CRPPA: variants seen among roughly 807,000 people sequenced by gnomAD.
CRPPA encodes the protein CDP-L-ribitol pyrophosphorylase A.
Under a neutral mutation model 52.0 loss-of-function variants are expected in CRPPA, and 43 were observed. The ratio of observed to expected loss-of-function variants is 0.83; its 90% confidence interval spans 0.65 to 1.07. The LOEUF (loss-of-function observed/expected upper bound fraction) is 1.07. CRPPA is among the 50% of genes least tolerant of loss of function. The probability of loss-of-function intolerance (pLI) is 0.00; values close to 1 mark genes in which losing one functional copy is unlikely to be tolerated. For missense variants in CRPPA, 629 were observed against 551.7 expected, an observed-to-expected ratio of 1.14 and a Z score of -1.40; for synonymous variants, 250 against 203.5, an observed-to-expected ratio of 1.23 and a Z score of -1.94.
chr7:16,241,092 C>T (rs1783094348), intron 8 of CRPPA, among the ~76,000 whole-genome samples: 1 of 152,152 alleles, frequency 6.6e-6, no homozygotes, highest in Non-Finnish European at 1.5e-5. Context: ...GTTGCTGGCT[C>T]TGCCACTGGT....
At chr7:16,095,045 A>G (rs940957411) in intron 9 of CRPPA, among the ~76,000 whole-genome samples, 1 of 152,204 alleles carries the variant, frequency 6.6e-6, no homozygotes, top group African/African-American at 2.4e-5. Flanking sequence ...AACACATATT[A>G]ATAATGGGAG....
At chr7:16,171,741 C>A (rs568184972) in intron 9 of CRPPA, among the ~76,000 whole-genome samples, 1 of 152,050 alleles carries the variant, frequency 6.6e-6, no homozygotes, top group East Asian at 1.9e-4. Context: ...TGCAGTGAGC[C>A]GAGACTGTGC....
intron 9 of CRPPA, among the ~76,000 whole-genome samples, chr7:16,195,663 C>CA (rs1367148260): frequency 6.6e-6 from 1 of 152,012 alleles, no homozygotes; most frequent in Non-Finnish European, 1.5e-5. Flanking sequence ...GCTGCTCCAT[C>CA]AAAAAAAGCT....
At chr7:16,142,099 C>T (rs1314669688) in intron 9 of CRPPA, among the ~76,000 whole-genome samples, 1 of 152,030 alleles carries the variant, frequency 6.6e-6, no homozygotes, top group African/African-American at 2.4e-5. Flanking sequence ...GTTCTGTTAC[C>T]TAAGAGACAT....
intron 9 of CRPPA, among the ~76,000 whole-genome samples, chr7:16,097,165 G>C (rs896791636): frequency 6.6e-6 from 1 of 151,900 alleles, no homozygotes; most frequent in Admixed American, 6.6e-5. Flanking sequence ...TTCAGTAAAA[G>C]GCCCCTAAAG....
intron 9 of CRPPA, among the ~76,000 whole-genome samples, chr7:16,162,078 C>A (rs986028980): frequency 4.6e-5 from 7 of 151,912 alleles, no homozygotes; most frequent in Non-Finnish European, 7.4e-5. Context: ...CTTCTCTTTT[C>A]TTCTTTATTG....
chr7:16,281,816 G>T (rs1784327525), intron 5 of CRPPA, among the ~76,000 whole-genome samples: 1 of 152,138 alleles, frequency 6.6e-6, no homozygotes, highest in Admixed American at 6.5e-5. Flanking sequence ...TTAGTAAGGT[G>T]TATTTCCCTA....
At chr7:16,177,958 G>A (rs1781336597) in intron 9 of CRPPA, among the ~76,000 whole-genome samples, 1 of 151,490 alleles carries the variant, frequency 6.6e-6, no homozygotes. Flanking sequence ...TACACCCTCT[G>A]TACCAACTTC....
chr7:16,186,969 A>G (rs1180804600), intron 9 of CRPPA, among the ~76,000 whole-genome samples: 1 of 152,170 alleles, frequency 6.6e-6, no homozygotes, highest in African/African-American at 2.4e-5. Context: ...TTAGGCATAT[A>G]ATTTTAATCT....
chr7:16,154,924 C>A (rs2128380001), intron 9 of CRPPA, among the ~76,000 whole-genome samples: 1 of 151,198 alleles, frequency 6.6e-6, no homozygotes, highest in East Asian at 2.0e-4. Context: ...TCTCCTGCCT[C>A]ACCCTCCCGA....
At chr7:16,161,927 G>C (rs1044200834) in intron 9 of CRPPA, among the ~76,000 whole-genome samples, 5 of 152,132 alleles carry the variant, frequency 3.3e-5, no homozygotes, top group African/African-American at 1.2e-4. Context: ...GGTGCTATGT[G>C]TCCAGGAATG....
At chr7:16,228,463 G>C (rs991480803) in intron 8 of CRPPA, among the ~76,000 whole-genome samples, 1 of 151,764 alleles carries the variant, frequency 6.6e-6, no homozygotes, top group Non-Finnish European at 1.5e-5. Flanking sequence ...TGTTAGAACT[G>C]CTTTTACTGT....
intron 8 of CRPPA, among the ~76,000 whole-genome samples, chr7:16,227,152 G>A (rs1782673842): frequency 6.6e-6 from 1 of 151,872 alleles, no homozygotes; most frequent in African/African-American, 2.4e-5. Context: ...GGACACTTAG[G>A]TTGATTCCAT....
At chr7:16,286,035 AAAAATATAAAT>A (rs1784424119) in intron 5 of CRPPA, among the ~76,000 whole-genome samples, 38 of 18,796 alleles carry the variant, frequency 2.0e-3, no homozygotes, top group Non-Finnish European at 2.9e-3. Context: ...AAAAAAAAAA[AAAAATATAAAT>A]ATATATATAT....
At chr7:16,168,452 C>A (rs1781111445) in intron 9 of CRPPA, among the ~76,000 whole-genome samples, 1 of 151,682 alleles carries the variant, frequency 6.6e-6, no homozygotes, top group African/African-American at 2.4e-5. Context: ...TCCATATTTT[C>A]ATACCTAGCA....
chr7:16,113,380 G>A (rs1385926084), intron 9 of CRPPA, among the ~76,000 whole-genome samples: 1 of 151,838 alleles, frequency 6.6e-6, no homozygotes, highest in Non-Finnish European at 1.5e-5. Context: ...CCCATAAAGG[G>A]AGAATAAAAA....
At chr7:16,370,561 A>G (rs1052208645) in intron 3 of CRPPA, among the ~76,000 whole-genome samples, 2 of 152,168 alleles carry the variant, frequency 1.3e-5, no homozygotes, top group Non-Finnish European at 2.9e-5. Flanking sequence ...TCCTAGGGAA[A>G]GGGAGAGGGC....
intron 1 of CRPPA, among the ~76,000 whole-genome samples, chr7:16,417,105 C>G (rs114933397): frequency 0.017 from 2,643 of 152,238 alleles, 60 homozygotes; most frequent in African/African-American, 0.048. Context: ...CCATCTCACA[C>G]CAGTCATGAT....
At chr7:16,212,922 A>G (rs1280190688) in intron 9 of CRPPA, among the ~76,000 whole-genome samples, 2 of 152,214 alleles carry the variant, frequency 1.3e-5, no homozygotes, top group Non-Finnish European at 2.9e-5. Flanking sequence ...ATGTGCTTCT[A>G]TTGCTAAATC....
Sources: gnomAD v4.1 joint callset for allele counts (sites outside exome capture counted in the v4.1 genomes callset) on GRCh38, gnomAD v4.1.1 for gene constraint, MANE v1.5 for transcripts, NCBI Gene and HGNC (gene_info 2026-07-23, HGNC 2026-07-21) for gene names.